CCDC187: variants seen among roughly 807,000 people sequenced by gnomAD.
CCDC187 encodes coiled-coil domain containing 187.
In CCDC187, 32 loss-of-function variants were observed where a neutral mutation model predicts 38.0. The observed-to-expected ratio is 0.84, with a 90% CI of 0.64 to 1.13. The LOEUF (loss-of-function observed/expected upper bound fraction) is 1.13. CCDC187 is among the 50% of genes most tolerant of loss of function. CCDC187 has a pLI of 0.00. For synonymous variants in CCDC187, 333 were observed against 347.9 expected, an observed-to-expected ratio of 0.96 and a Z score of 0.48; for missense variants, 707 against 786.8, an observed-to-expected ratio of 0.90 and a Z score of 1.21.
chr9:136,268,534 G>A (rs1830786738), intron 14 of CCDC187, among the ~76,000 whole-genome samples: 1 of 152,128 alleles, frequency 6.6e-6, no homozygotes, highest in Non-Finnish European at 1.5e-5. Context: ...ACCTGCTGCC[G>A]ACCTCTGCTG....
intron 14 of CCDC187, among the ~76,000 whole-genome samples, chr9:136,270,106 G>A (rs1554762177): frequency 6.6e-6 from 1 of 152,234 alleles, no homozygotes. Context: ...AACTTCAAGT[G>A]GCCTAATGTA....
chr9:136,263,161 C>T (rs1445697359), intron 18 of CCDC187, among the ~76,000 whole-genome samples: 1 of 151,276 alleles, frequency 6.6e-6, no homozygotes, highest in African/African-American at 2.4e-5. Context: ...GCCTCCTCAG[C>T]CCCCCAGCAG....
intron 16 of CCDC187, chr9:136,266,417 G>A (rs946546488): frequency 1.3e-5 from 2 of 152,254 alleles, no homozygotes; most frequent in Non-Finnish European, 2.9e-5. Flanking sequence ...CCCTCAGTCT[G>A]GCCCGCTCAG....
At chr9:136,262,485 G>C in intron 18 of CCDC187, 23 bp from the exon 19 acceptor site, 1 of 986,138 alleles carries the variant, frequency 1.0e-6, no homozygotes, top group Non-Finnish European at 1.2e-6. Context: ...GTGCAGGAGA[G>C]CCTGGCAAGG....
upstream of CCDC187, among the ~76,000 whole-genome samples, chr9:136,305,984 TTG>T (rs1363296792): frequency 6.6e-6 from 1 of 152,218 alleles, no homozygotes; most frequent in East Asian, 1.9e-4. Flanking sequence ...TCTGCCGATG[TTG>T]TCCGTGCCAC....
Position 136,253,613 on chromosome 9 carries a change from C to A in CCDC187, c.6215G>T (p.Gly2072Val), listed in dbSNP as rs1246073656. 1.8e-5 allele frequency: 18 copies of A among 985,480 alleles called. No homozygotes were observed. Among genetic ancestry groups the A allele is most frequent in the Non-Finnish European group, 2.2e-5 (18 of 830,052 alleles). The allele number at this position is 985,480 out of a possible 1,614,324, so 61.0% of individuals were successfully genotyped here. A position where few individuals can be genotyped will look rare whatever the true frequency, so the allele number is the denominator to read the frequency against. The change falls in exon 26 of 26, where the codon GGG (glycine) becomes GTG (valine). Residue 2072 changes from glycine to valine, a missense_variant. Coordinates refer to ENST00000638797, the MANE Select transcript of CCDC187 (RefSeq NM_001378188.1). Reference sequence around the variant, plus strand: ...CCCCAACTACTGGGTTCCCGCCGACCCCTGGGGCCCAGGAAACAGTCCCTC... The same window carrying A: ...CCCCAACTACTGGGTTCCCGCCGACACCTGGGGCCCAGGAAACAGTCCCTC... ...LPEGLFPGPQ[G>V]SAGTQ
intron 2 of CCDC187, among the ~76,000 whole-genome samples, chr9:136,301,293 G>A (rs982557379): frequency 7.2e-5 from 11 of 152,046 alleles, no homozygotes; most frequent in Middle Eastern, 3.4e-3. Flanking sequence ...CCACCGCTAC[G>A]AAAACATGCA....
intron 10 of CCDC187, among the ~76,000 whole-genome samples, chr9:136,279,470 C>G (rs955057174): frequency 1.3e-5 from 2 of 152,232 alleles, no homozygotes; most frequent in Non-Finnish European, 2.9e-5. Context: ...GGGGTAAAAA[C>G]TGCCCCTTCA....
At position 136,250,480 on chromosome 9, in the gene CCDC187, C is replaced by G. The variant is rs1353580330; in HGVS notation, c.*3114G>C. ...TGGAGATTTATCGTCATGCCAGATGCGTGTGTGTGAGATACATAATTCCTC... is the reference window on the plus strand; with the variant it reads ...TGGAGATTTATCGTCATGCCAGATGGGTGTGTGTGAGATACATAATTCCTC... On this transcript the variant is annotated 3_prime_UTR_variant, in exon 26 of 26. Transcript: ENST00000638797. The G allele has an allele frequency of 2.7e-5, 9 of 331,844 alleles. No individual in the cohort carries two copies. Among genetic ancestry groups the G allele is most frequent in the South Asian group, 2.1e-4 (9 of 42,202 alleles). 20.6% of individuals were successfully genotyped at this position (331,844 alleles called of 1,614,324 possible). A position where few individuals can be genotyped will look rare whatever the true frequency, so the allele number is the denominator to read the frequency against.
At chr9:136,267,266 G>C in intron 16 of CCDC187, 118 bp downstream of exon 16, 1 of 683,232 alleles carries the variant, frequency 1.5e-6, no homozygotes, top group Non-Finnish European at 1.8e-6. Context: ...TCAAAACGCT[G>C]TCGGGGCCAC....
intron 14 of CCDC187, among the ~76,000 whole-genome samples, chr9:136,269,202 G>A (rs1438328606): frequency 1.3e-5 from 2 of 152,212 alleles, no homozygotes; most frequent in African/African-American, 4.8e-5. Context: ...CAGGTCACTG[G>A]GCAGGCAGTG....
In CCDC187 at chr9:136,289,914, C is replaced by G. The variant is rs901434631; in HGVS notation, c.2222+45G>C. The stretch of plus-strand genomic sequence containing the variant: ...ACCCAGAACTGTTCTTGGCCCCCCC[C>G]AAGGCCCCGCCCGGCATGTGCAGCA... On this transcript the variant is annotated intron_variant, in intron 7 of 25. Coordinates refer to ENST00000638797, the MANE Select transcript of CCDC187 (RefSeq NM_001378188.1). The G allele has an allele frequency of 1.3e-5, 5 of 392,848 alleles. No homozygotes were observed. In the Admixed American group the frequency reaches 1.8e-4, roughly 14 times the overall value. The allele number at this position is 392,848 out of a possible 1,614,324, so 24.3% of individuals were successfully genotyped here.
At position 136,252,561 on chromosome 9, in the gene CCDC187, C is replaced by T; in HGVS notation, c.*1033G>A. The T allele has an allele frequency of 5.7e-6, 1 of 176,444 alleles. No homozygotes were observed. The highest frequency in any genetic ancestry group is 1.2e-5 in the Non-Finnish European group (1 of 81,822). The allele number at this position is 176,444 out of a possible 1,614,324, so 10.9% of individuals were successfully genotyped here. A position where few individuals can be genotyped will look rare whatever the true frequency, so the allele number is the denominator to read the frequency against. On this transcript the variant is annotated 3_prime_UTR_variant, in exon 26 of 26. Transcript: ENST00000638797. The stretch of plus-strand genomic sequence containing the variant: ...CCGGGGAAAGGTCCAGGAGACTGTC[C>T]CGCACAGCCGGCCGCCCGGCCGGTC...
At position 136,297,804 on chromosome 9, in the gene CCDC187, T is replaced by G. The variant is rs888327449; in HGVS notation, c.742A>C (p.Lys248Gln). The change falls in exon 4 of 26, where the codon AAA (lysine) becomes CAA (glutamine). Residue 248 changes from lysine (K) to glutamine (Q), a missense_variant. Coordinates refer to ENST00000638797, the MANE Select transcript of CCDC187 (RefSeq NM_001378188.1). The stretch of plus-strand genomic sequence containing the variant: ...TTGCAAGAACTGCTTTTGACCCTTT[T>G]GGGTTTTTCCCTCAGAACTTCAGTG... ...HQVPVLREKP[K>Q]RVKSSSCKRE... is the part of the protein sequence containing the mutation. 2 of 329,076 alleles carry G rather than the reference T, an allele frequency of 6.1e-6. No homozygotes were observed. The highest frequency in any genetic ancestry group is 5.4e-6 in the Non-Finnish European group (1 of 183,976). 20.4% of individuals were successfully genotyped at this position (329,076 alleles called of 1,614,324 possible). A position where few individuals can be genotyped will look rare whatever the true frequency, so the allele number is the denominator to read the frequency against.
intron 14 of CCDC187, among the ~76,000 whole-genome samples, chr9:136,271,385 G>T (rs1263307959): frequency 5.9e-5 from 9 of 152,014 alleles, no homozygotes; most frequent in Non-Finnish European, 1.0e-4. Flanking sequence ...GCCGGGTGTG[G>T]TGGTGGGTGC....
At chr9:136,256,927 C>T (rs1459776684) in intron 22 of CCDC187, 86 bp from the exon 23 acceptor site, 1 of 152,284 alleles carries the variant, frequency 6.6e-6, no homozygotes, top group Non-Finnish European at 1.5e-5. Context: ...CCACATAAAA[C>T]AAATCTTAAA....
At position 136,303,910 on chromosome 9, in the gene CCDC187, G is replaced by A. The variant is rs1025802135; in HGVS notation, c.-80C>T. 5.2e-5 allele frequency: 8 copies of A among 152,540 alleles called. No individual in the cohort carries two copies. The highest frequency in any genetic ancestry group is 9.6e-5 in the African/African-American group (4 of 41,586). The allele number at this position is 152,540 out of a possible 1,614,324, so 9.4% of individuals were successfully genotyped here. On this transcript the variant is annotated 5_prime_UTR_variant, in exon 1 of 26. Coordinates refer to ENST00000638797, the MANE Select transcript of CCDC187 (RefSeq NM_001378188.1). ...GGGGTCGCTGCTGCCTTCACATGGC[G>A]GCTTCGAGGCCTGCAGCCCCACCTA... is the stretch of plus-strand genomic sequence containing the variant.
At chr9:136,281,758 C>T in intron 9 of CCDC187, 95 bp from the exon 10 acceptor site, 1 of 397,856 alleles carries the variant, frequency 2.5e-6, no homozygotes, top group Admixed American at 4.4e-5. Flanking sequence ...GAGCAGGAAC[C>T]TGGGCTCCCG....
chr9:136,252,315 CCCAG>C lies in CCDC187; in HGVS notation c.*1275_*1278del, dbSNP rs1830555757. On this transcript the variant is annotated 3_prime_UTR_variant, in exon 26 of 26. Coordinates refer to ENST00000638797, the MANE Select transcript of CCDC187 (RefSeq NM_001378188.1). ...CACCCTGGGAAGAGCCGGCCGCCCACCCAGTCCACCCTGGGAAGGTCCAGGCGAC... is the reference window on the plus strand; with the variant it reads ...CACCCTGGGAAGAGCCGGCCGCCCACTCCACCCTGGGAAGGTCCAGGCGAC... The C allele has an allele frequency of 2.4e-5, 3 of 125,470 alleles. No homozygotes were observed. The highest frequency in any genetic ancestry group is 5.4e-5 in the Non-Finnish European group (3 of 55,610). 7.8% of individuals were successfully genotyped at this position (125,470 alleles called of 1,614,324 possible).
Sources: gnomAD v4.1 joint callset for allele counts (sites outside exome capture counted in the v4.1 genomes callset) on GRCh38, gnomAD v4.1.1 for gene constraint, MANE v1.5 for transcripts, NCBI Gene and HGNC (gene_info 2026-07-23, HGNC 2026-07-21) for gene names.